CSGALNACT1: variants seen among roughly 807,000 people sequenced by gnomAD.
CSGALNACT1 encodes the protein chondroitin sulfate N-acetylgalactosaminyltransferase 1.
Under a neutral mutation model 51.0 loss-of-function variants are expected in CSGALNACT1, and 52 were observed. The observed-to-expected ratio is 1.02, with a 90% CI of 0.82 to 1.29. The LOEUF (loss-of-function observed/expected upper bound fraction) is 1.29. CSGALNACT1 is among the 50% of genes most tolerant of loss of function. CSGALNACT1 has a pLI of 0.00. For missense variants in CSGALNACT1, 935 were observed against 679.2 expected (o/e 1.38, Z -4.19); for synonymous variants, 341 against 254.4 (o/e 1.34, Z -3.24).
intron 4 of CSGALNACT1, among the ~76,000 whole-genome samples, chr8:19,479,975 C>T (rs1248505418): frequency 1.3e-5 from 2 of 152,138 alleles, no homozygotes; most frequent in Admixed American, 1.3e-4. Context: ...TTGTAGAGTA[C>T]AGAACCCTAA....
intron 6 of CSGALNACT1, among the ~76,000 whole-genome samples, chr8:19,435,270 G>A (rs954461074): frequency 7.2e-5 from 11 of 152,102 alleles, no homozygotes; most frequent in Non-Finnish European, 1.6e-4. Context: ...CGAGGTGGGC[G>A]GATCACAAGG....
chr8:19,687,821 T>C (rs2061061172), intron 1 of CSGALNACT1, among the ~76,000 whole-genome samples: 1 of 152,216 alleles, frequency 6.6e-6, no homozygotes, highest in Non-Finnish European at 1.5e-5. Context: ...TGTTTTTCAA[T>C]GGCTGACACT....
intron 6 of CSGALNACT1, among the ~76,000 whole-genome samples, chr8:19,432,284 T>G (rs552684907): frequency 1.3e-5 from 2 of 152,336 alleles, no homozygotes; most frequent in South Asian, 4.1e-4. Flanking sequence ...TTATCCCACT[T>G]TCTGGCCTCC....
chr8:19,458,509 G>A (rs368506911), exon 5 of CSGALNACT1: 57 of 1,614,034 alleles, frequency 3.5e-5, no homozygotes, highest in Non-Finnish European at 4.7e-5. Context: ...TGGCCATGTT[G>A]AGCTTTTCAT....
chr8:19,675,441 G>A (rs1181856727), intron 1 of CSGALNACT1, among the ~76,000 whole-genome samples: 1 of 152,078 alleles, frequency 6.6e-6, no homozygotes, highest in East Asian at 1.9e-4. Flanking sequence ...GAAAATGAGT[G>A]GAACCACAGA....
At chr8:19,664,714 A>C (rs1232825914) in intron 1 of CSGALNACT1, among the ~76,000 whole-genome samples, 1 of 152,178 alleles carries the variant, frequency 6.6e-6, no homozygotes, top group South Asian at 2.1e-4. Flanking sequence ...AGCCACAAAA[A>C]AAGAATGAAA....
rs1423627730 is a variant in CSGALNACT1 at position 19,740,862 on chromosome 8, T to C, written c.-297+16988A>G. 4.6e-5 allele frequency among the ~76,000 whole-genome samples: 7 copies of C among 152,354 alleles called. No individual in the cohort carries two copies. The South Asian group carries it at 1.2e-3, about 27-fold the overall frequency. ...GATGCTTATGGATAGTTATTTGCTTTATTATCATAAGTTAAAATGGATGCA... is the reference window on the plus strand; with the variant it reads ...GATGCTTATGGATAGTTATTTGCTTCATTATCATAAGTTAAAATGGATGCA... On this transcript the variant is annotated intron_variant, in intron 1 of 1. Transcript: ENST00000517494.
At chr8:19,676,485 C>T (rs527899475) in intron 1 of CSGALNACT1, among the ~76,000 whole-genome samples, 3 of 152,126 alleles carry the variant, frequency 2.0e-5, no homozygotes, top group Non-Finnish European at 4.4e-5. Context: ...CAAGAAAAGT[C>T]AGTACTTGAA....
intron 4 of CSGALNACT1, among the ~76,000 whole-genome samples, chr8:19,480,608 T>C (rs1035854543): frequency 1.6e-4 from 24 of 152,186 alleles, no homozygotes; most frequent in African/African-American, 5.8e-4. Flanking sequence ...AATAGAACAA[T>C]TTCTTTTCCT....
intron 4 of CSGALNACT1, among the ~76,000 whole-genome samples, chr8:19,473,888 T>C (rs1280530430): frequency 6.6e-6 from 1 of 152,134 alleles, no homozygotes; most frequent in Non-Finnish European, 1.5e-5. Context: ...AGAAAACAGG[T>C]CACAATTTTC....
At chr8:19,709,838 T>C (rs556225741) in intron 1 of CSGALNACT1, among the ~76,000 whole-genome samples, 132 of 152,220 alleles carry the variant, frequency 8.7e-4, no homozygotes, top group African/African-American at 3.1e-3. Context: ...GGTAAGATTG[T>C]AAGTGGACGC....
chr8:19,753,519 T>C (rs1418660643), intron 1 of CSGALNACT1, among the ~76,000 whole-genome samples: 1 of 152,208 alleles, frequency 6.6e-6, no homozygotes, highest in Non-Finnish European at 1.5e-5. Context: ...TTGCTAGTTT[T>C]TGTTGTGGTT....
At chr8:19,431,457 C>T (rs750126313) in intron 6 of CSGALNACT1, among the ~76,000 whole-genome samples, 2 of 151,692 alleles carry the variant, frequency 1.3e-5, no homozygotes, top group Non-Finnish European at 2.9e-5. Flanking sequence ...ATTAATATGG[C>T]ATATTTCATT....
chr8:19,634,747 A>G (rs1038733836), intron 1 of CSGALNACT1, among the ~76,000 whole-genome samples: 4 of 152,182 alleles, frequency 2.6e-5, no homozygotes, highest in African/African-American at 9.7e-5. Context: ...GTCATCTACA[A>G]GCCAATAAGA....
intron 1 of CSGALNACT1, among the ~76,000 whole-genome samples, chr8:19,720,804 T>A (rs892412656): frequency 2.6e-5 from 4 of 152,142 alleles, no homozygotes; most frequent in African/African-American, 9.7e-5. Flanking sequence ...CCAAGCAGCA[T>A]CCCAGAGGAG....
chr8:19,418,733 G>A (rs1281954070), exon 8 of CSGALNACT1: 9 of 1,610,948 alleles, frequency 5.6e-6, no homozygotes, highest in Non-Finnish European at 7.6e-6. Context: ...AAAAGAACTG[G>A]ATAAAATACC....
At chr8:19,746,884 G>A (rs2064700985) in intron 1 of CSGALNACT1, among the ~76,000 whole-genome samples, 1 of 152,156 alleles carries the variant, frequency 6.6e-6, no homozygotes, top group Admixed American at 6.5e-5. Flanking sequence ...GGAGAGCAAG[G>A]GCGATACTTG....
chr8:19,426,357 C>A (rs1175554850), intron 6 of CSGALNACT1, among the ~76,000 whole-genome samples: 1 of 152,044 alleles, frequency 6.6e-6, no homozygotes, highest in Non-Finnish European at 1.5e-5. Flanking sequence ...CAAACCCAAG[C>A]TTTTAAGAAG....
chr8:19,565,156 C>T (rs4461917), intron 3 of CSGALNACT1, among the ~76,000 whole-genome samples: 17,685 of 152,228 alleles, frequency 0.12, 1,254 homozygotes, highest in African/African-American at 0.2. Context: ...TATCACTTTA[C>T]AGACTTTCGA....
Sources: gnomAD v4.1 joint callset for allele counts (sites outside exome capture counted in the v4.1 genomes callset) on GRCh38, gnomAD v4.1.1 for gene constraint, MANE v1.5 for transcripts, NCBI Gene and HGNC (gene_info 2026-07-23, HGNC 2026-07-21) for gene names.